The following MID1 variants were observed in gnomAD, a reference collection of about 807,000 sequenced individuals.
MID1 encodes midline 1.
In MID1, 7 loss-of-function variants were observed where a neutral mutation model predicts 40.4. The ratio of observed to expected loss-of-function variants is 0.17; its 90% CI spans 0.10 to 0.33. The LOEUF is 0.33. Among genes scored for constraint, MID1 ranks in the 10% least tolerant of loss-of-function variants. The pLI, the probability that MID1 is intolerant of heterozygous loss-of-function variation, is 1.00. For missense variants in MID1, 367 were observed against 558.5 expected (o/e 0.66, Z 3.46); for synonymous variants, 229 against 221.2 (o/e 1.04, Z -0.31).
At chrX:10,673,476 T>G (rs1394425311) in intron 1 of MID1, among the ~76,000 whole-genome samples, 1 of 112,096 alleles carries the variant, frequency 8.9e-6, no homozygotes, top group Non-Finnish European at 1.9e-5. Flanking sequence ...TATTTTAACC[T>G]AATATGATGT....
At chrX:10,745,078 C>A (rs1481851322) in intron 1 of MID1, among the ~76,000 whole-genome samples, 2 of 112,055 alleles carry the variant, frequency 1.8e-5, no homozygotes, top group Non-Finnish European at 3.8e-5. Context: ...TAAAGACATG[C>A]AAAAATGGAA....
Position 10,448,138 on chromosome X carries a change from C to G in MID1, c.*1230G>C, listed in dbSNP as rs989160587. ...TTTTTTTTTTTTTGGTCTTACAACT[C>G]TATTGTAAACTATACTAGACTATAG... On this transcript the variant is annotated 3_prime_UTR_variant, in exon 10 of 10. Transcript: ENST00000317552. 8 of 104,993 alleles carry G rather than the reference C, an allele frequency of 7.6e-5. No individual in the cohort carries two copies. The highest frequency in any genetic ancestry group is 1.6e-4 in the Non-Finnish European group (8 of 51,417). The allele number at this position is 104,993 out of a possible 1,213,427, so 8.7% of individuals were successfully genotyped here.
chrX:10,714,759 G>T (rs59759131), intron 1 of MID1, among the ~76,000 whole-genome samples: 10,418 of 111,205 alleles, frequency 0.094, 757 homozygotes, highest in African/African-American at 0.25. Context: ...GGTAGGGCTT[G>T]AAAATATTTT....
chrX:10,696,314 T>C (rs1215354518), intron 1 of MID1, among the ~76,000 whole-genome samples: 1 of 111,869 alleles, frequency 8.9e-6, no homozygotes, highest in East Asian at 2.8e-4. Context: ...CTAGCAGGCC[T>C]CTGTGCATGT....
At chrX:10,522,050 C>T (rs945319045) in intron 3 of MID1, among the ~76,000 whole-genome samples, 7 of 111,597 alleles carry the variant, frequency 6.3e-5, no homozygotes, top group Admixed American at 5.7e-4. Flanking sequence ...CCATGTTGCC[C>T]AGGCTGGTCT....
At chrX:10,786,136 C>A (rs2043881319) in intron 1 of MID1, among the ~76,000 whole-genome samples, 2 of 111,798 alleles carry the variant, frequency 1.8e-5, no homozygotes, top group South Asian at 7.5e-4. Flanking sequence ...AAACAAACAA[C>A]CCCATCAAAA....
At chrX:10,799,824 A>AGGTACTTTTCCTATATACTTAC (rs1569173331) in intron 1 of MID1, among the ~76,000 whole-genome samples, 1 of 112,062 alleles carries the variant, frequency 8.9e-6, no homozygotes, top group African/African-American at 3.2e-5. Flanking sequence ...CCCAAAGAAG[A>AGGTACTTTTCCTATATACTTAC]AATTTCCCAA....
intron 4 of MID1, among the ~76,000 whole-genome samples, chrX:10,490,902 T>C (rs1464024978): frequency 8.9e-6 from 1 of 112,297 alleles, no homozygotes; most frequent in African/African-American, 3.2e-5. Context: ...GGTTTTCCGC[T>C]ACTTCTTTAT....
At chrX:10,451,861 T>C (rs912646982) in intron 9 of MID1, among the ~76,000 whole-genome samples, 13 of 111,172 alleles carry the variant, frequency 1.2e-4, no homozygotes, top group Non-Finnish European at 5.6e-5. Context: ...AAACCTCTTT[T>C]GCAAATTGCC....
At chrX:10,470,543 A>G (rs1929648414) in intron 6 of MID1, among the ~76,000 whole-genome samples, 1 of 112,596 alleles carries the variant, frequency 8.9e-6, no homozygotes, top group Non-Finnish European at 1.9e-5. Context: ...ACATAAAAAA[A>G]AGAACTTACT....
At chrX:10,505,882 T>C (rs1602318081) in intron 3 of MID1, 1 of 753,884 alleles carries the variant, frequency 1.3e-6, no homozygotes, top group East Asian at 1.5e-4. Context: ...TGGACCCCTT[T>C]TTGGGTTTCA....
chrX:10,783,888 T>TAAA (rs1196603138), intron 1 of MID1, among the ~76,000 whole-genome samples: 3 of 103,421 alleles, frequency 2.9e-5, no homozygotes, highest in African/African-American at 1.1e-4. Context: ...CTCTTTTTTT[T>TAAA]AAAAAAAAAA....
intron 1 of MID1, among the ~76,000 whole-genome samples, chrX:10,707,889 A>C (rs1003056545): frequency 8.8e-6 from 1 of 113,105 alleles, no homozygotes; most frequent in Non-Finnish European, 1.9e-5. Flanking sequence ...AAAAGAAGGC[A>C]GAGACAGGGC....
At chrX:10,789,314 T>A (rs930633376) in intron 1 of MID1, among the ~76,000 whole-genome samples, 1 of 112,670 alleles carries the variant, frequency 8.9e-6, no homozygotes, top group Admixed American at 9.4e-5. Context: ...CTTATCTTAT[T>A]TTACATCTGT....
At chrX:10,699,144 A>T (rs1276924258) in intron 1 of MID1, among the ~76,000 whole-genome samples, 1 of 110,799 alleles carries the variant, frequency 9.0e-6, no homozygotes, top group African/African-American at 3.3e-5. Flanking sequence ...TTTTCCTTTT[A>T]ATCTTTTTTT....
chrX:10,780,046 C>T (rs1448354122), intron 1 of MID1, among the ~76,000 whole-genome samples: 1 of 110,151 alleles, frequency 9.1e-6, no homozygotes, highest in Non-Finnish European at 1.9e-5. Flanking sequence ...CATCCTCCGC[C>T]TCCCAGGTTC....
chrX:10,772,217 A>C (rs1345647525), intron 1 of MID1, among the ~76,000 whole-genome samples: 2 of 111,045 alleles, frequency 1.8e-5, no homozygotes, highest in African/African-American at 6.6e-5. Context: ...ATATGATGGA[A>C]TACTACTCAG....
chrX:10,530,980 C>T (rs1483483073), intron 2 of MID1, among the ~76,000 whole-genome samples: 2 of 111,759 alleles, frequency 1.8e-5, no homozygotes, highest in Non-Finnish European at 3.8e-5. Flanking sequence ...GCTCTTATTC[C>T]GAAGTCAATA....
Position 10,610,637 on chromosome X carries a change from T to C in MID1, c.-57+9653A>G, listed in dbSNP as rs1268883373. The stretch of plus-strand genomic sequence containing the variant: ...TGCCTACAACAAGCAGAAAAATTGC[T>C]GTAGAAATTGATATCACAACAGGAG... On this transcript the variant is annotated intron_variant, in intron 1 of 9. Transcript: ENST00000317552. Among the ~76,000 whole-genome samples the C allele has an allele frequency of 2.7e-5, 3 of 111,753 alleles. No homozygotes were observed. The Admixed American group carries it at 2.8e-4, about 11-fold the overall frequency.
Sources: allele counts gnomAD v4.1 joint callset (sites outside exome capture counted in the v4.1 genomes callset), GRCh38; gene constraint gnomAD v4.1.1; transcripts MANE v1.5; gene names NCBI Gene and HGNC (gene_info 2026-07-23, HGNC 2026-07-21).